NOL4L: variants seen among roughly 807,000 people sequenced by gnomAD.
NOL4L encodes the protein nucleolar protein 4-like.
In NOL4L, 7 loss-of-function variants were observed where a neutral mutation model predicts 64.5. The ratio of observed to expected loss-of-function variants is 0.11; its 90% CI spans 0.06 to 0.20. The LOEUF is 0.20. Among genes scored for constraint, NOL4L ranks in the 10% least tolerant of loss-of-function variants. The pLI is 1.00. For synonymous variants in NOL4L, 413 were observed against 401.0 expected (o/e 1.03, Z -0.36); for missense variants, 680 against 967.1 (o/e 0.70, Z 3.94).
At chr20:32,545,950 CTTTTTTT>C (rs11327665) in intron 1 of NOL4L, among the ~76,000 whole-genome samples, 2 of 133,932 alleles carry the variant, frequency 1.5e-5, no homozygotes, top group Non-Finnish European at 3.1e-5. Context: ...TCTTTCTTTT[CTTTTTTT>C]TTTTTTTTGG....
intron 4 of NOL4L, among the ~76,000 whole-genome samples, chr20:32,499,269 C>T (rs1269682564): frequency 1.3e-5 from 2 of 152,272 alleles, no homozygotes; most frequent in Middle Eastern, 3.4e-3. Flanking sequence ...TAGAGCCCCC[C>T]GATCCTGACA....
In NOL4L at chr20:32,527,324, T is replaced by C. The variant is rs188658478; in HGVS notation, c.477+434A>G. Among the ~76,000 whole-genome samples, 32 of 152,214 alleles carry C rather than the reference T, an allele frequency of 2.1e-4. No individual in the cohort carries two copies. In the East Asian group the frequency reaches 4.8e-3, roughly 23 times the overall value. On this transcript the variant is annotated intron_variant, in intron 2 of 10. Transcript: ENST00000621426. ...TGACTTCACAGGATGAGCTCACACA[T>C]AGGAAGAGCTCAGGACAGGCCTGGC...
At chr20:32,580,877 C>T (rs558196509) in intron 1 of NOL4L, among the ~76,000 whole-genome samples, 3 of 152,292 alleles carry the variant, frequency 2.0e-5, no homozygotes, top group Non-Finnish European at 4.4e-5. Flanking sequence ...CTGTGGCCCT[C>T]GCAGGCTCTG....
chr20:32,530,528 G>A (rs1179921231), intron 1 of NOL4L, among the ~76,000 whole-genome samples: 2 of 150,524 alleles, frequency 1.3e-5, no homozygotes, highest in South Asian at 2.1e-4. Context: ...GCAACAGAGC[G>A]AGATTCCATC....
At chr20:32,565,246 A>C (rs1268900471) in intron 1 of NOL4L, among the ~76,000 whole-genome samples, 2 of 146,394 alleles carry the variant, frequency 1.4e-5, no homozygotes. Context: ...ACACAGGCCG[A>C]GTGGACGGTC....
chr20:32,485,087 A>AAAAAAAAAAAAAAAAAAAAAAAAC (rs2016022458), intron 4 of NOL4L, among the ~76,000 whole-genome samples: 1 of 137,700 alleles, frequency 7.3e-6, no homozygotes, highest in Non-Finnish European at 1.6e-5. Context: ...AAAAAAAAAA[A>AAAAAAAAAAAAAAAAAAAAAAAAC]CAACTAAAAA....
At chr20:32,497,720 A>G (rs2016752978) in intron 4 of NOL4L, among the ~76,000 whole-genome samples, 1 of 152,164 alleles carries the variant, frequency 6.6e-6, no homozygotes, top group South Asian at 2.1e-4. Flanking sequence ...CAGCCCAGGA[A>G]AGACGTCTCC....
At chr20:32,518,388 G>A (rs978913046) in intron 3 of NOL4L, among the ~76,000 whole-genome samples, 2 of 152,236 alleles carry the variant, frequency 1.3e-5, no homozygotes, top group Admixed American at 6.5e-5. Context: ...GGCAGCCAGC[G>A]AGGAGAGGAA....
At chr20:32,543,138 T>C (rs1411580559) in intron 1 of NOL4L, among the ~76,000 whole-genome samples, 1 of 152,014 alleles carries the variant, frequency 6.6e-6, no homozygotes, top group Non-Finnish European at 1.5e-5. Context: ...CATCAGGGGA[T>C]GCAATAGGAG....
intron 2 of NOL4L, among the ~76,000 whole-genome samples, chr20:32,525,013 GCT>G (rs1373080354): frequency 6.6e-6 from 1 of 152,226 alleles, no homozygotes; most frequent in African/African-American, 2.4e-5. Context: ...TGAAATTCCA[GCT>G]CTGTGTGCAG....
chr20:32,552,975 C>T (rs1266261888), intron 1 of NOL4L, among the ~76,000 whole-genome samples: 1 of 152,150 alleles, frequency 6.6e-6, no homozygotes, highest in African/African-American at 2.4e-5. Flanking sequence ...GGCCCTCAGC[C>T]AGAGGATGAG....
At chr20:32,530,917 A>C (rs1017806169) in intron 1 of NOL4L, among the ~76,000 whole-genome samples, 3 of 151,918 alleles carry the variant, frequency 2.0e-5, no homozygotes, top group African/African-American at 7.3e-5. Context: ...GTGAAACTCC[A>C]TCTCAAAAAA....
chr20:32,567,787 A>G (rs111275542), intron 1 of NOL4L, among the ~76,000 whole-genome samples: 100 of 152,220 alleles, frequency 6.6e-4, no homozygotes, highest in Non-Finnish European at 1.4e-3. Context: ...CTGAGTACTC[A>G]ATAAACATGA....
chr20:32,447,758 G>A lies in NOL4L; in HGVS notation c.1881C>T (p.Pro627=), dbSNP rs757451105. ...TGCTGGTGCTGGTGCTGGAGGGGGT[G>A]GGCGTGGGGGTGGTGGAGGTGGTAG... is the stretch of plus-strand genomic sequence containing the variant. ...GASTTSTTPT[P]TPSSTSTSRP... is the part of the protein sequence containing the mutation. Residue 627 remains proline, a synonymous_variant, in exon 11 of 11, where the codon CCC becomes CCT. Coordinates refer to ENST00000621426, the MANE Select transcript of NOL4L (RefSeq NM_001256798.2). 6 of 1,593,882 alleles carry A rather than the reference G, an allele frequency of 3.8e-6. No individual in the cohort carries two copies. The East Asian group carries it at 1.3e-4, about 36-fold the overall frequency.
chr20:32,582,715 C>T (rs1475414659), intron 1 of NOL4L, among the ~76,000 whole-genome samples: 1 of 152,106 alleles, frequency 6.6e-6, no homozygotes, highest in Non-Finnish European at 1.5e-5. Flanking sequence ...GGCACCGACC[C>T]GGGAAGCCCT....
chr20:32,465,416 C>G (rs2014459311), intron 5 of NOL4L, among the ~76,000 whole-genome samples: 1 of 152,200 alleles, frequency 6.6e-6, no homozygotes, highest in African/African-American at 2.4e-5. Flanking sequence ...ATTCCCTACC[C>G]CTGCTACCAG....
intron 5 of NOL4L, among the ~76,000 whole-genome samples, chr20:32,474,097 CG>C (rs2015219764): frequency 6.6e-6 from 1 of 152,264 alleles, no homozygotes; most frequent in Admixed American, 6.5e-5. Context: ...GGGAAGAATC[CG>C]GACAGCTCCC....
rs867094119 is a variant in NOL4L, at chr20:32,494,279, A to C, written c.699+17068T>G. On this transcript the variant is annotated intron_variant, in intron 4 of 10. Coordinates refer to ENST00000621426, the MANE Select transcript of NOL4L (RefSeq NM_001256798.2). ...AAAAAAAAAAAAAAAAAAAAAAAAA[A>C]AAACACACAACACACACACACACAC... is the stretch of plus-strand genomic sequence containing the variant. 3.7e-3 allele frequency among the ~76,000 whole-genome samples: 291 copies of C among 78,552 alleles called. 7 individuals carry two copies. Among genetic ancestry groups the C allele is most frequent in the African/African-American group, 4.5e-3 (93 of 20,704 alleles). The allele number at this position is 78,552 out of a possible 152,430, so 51.5% of individuals were successfully genotyped here. A position where few individuals can be genotyped will look rare whatever the true frequency, so the allele number is the denominator to read the frequency against.
At chr20:32,582,561 C>T (rs1459169642) in intron 1 of NOL4L, among the ~76,000 whole-genome samples, 1 of 152,136 alleles carries the variant, frequency 6.6e-6, no homozygotes, top group Non-Finnish European at 1.5e-5. Context: ...ACACAGAAAG[C>T]CAGTGAGCCA....
Sources: allele counts gnomAD v4.1 joint callset (sites outside exome capture counted in the v4.1 genomes callset), GRCh38; gene constraint gnomAD v4.1.1; transcripts MANE v1.5; gene names NCBI Gene and HGNC (gene_info 2026-07-23, HGNC 2026-07-21).